STAB2: variants seen among roughly 807,000 people sequenced by gnomAD.
STAB2 encodes stabilin-2.
In STAB2, 288 loss-of-function variants were observed where a neutral mutation model predicts 338.1. The observed-to-expected ratio is 0.85, with a 90% CI of 0.77 to 0.94. STAB2 has a LOEUF of 0.94. Ranked by LOEUF, STAB2 falls within the 40% of genes least tolerant of loss-of-function variation. The probability of loss-of-function intolerance (pLI) is 0.00; values close to 1 mark genes in which losing one functional copy is unlikely to be tolerated. For missense variants in STAB2, 3,141 were observed against 3,210.1 expected (o/e 0.98, Z 0.52); for synonymous variants, 1,202 against 1,193.3 (o/e 1.01, Z -0.15).
chr12:103,750,858 A>G (rs1230289113), intron 60 of STAB2, 138 bp downstream of exon 60: 6 of 1,187,208 alleles, frequency 5.1e-6, no homozygotes, highest in Non-Finnish European at 6.8e-6. Context: ...TGGGAGGCCA[A>G]GGCAGATGGA....
At chr12:103,693,301 AG>A (rs1878116167) in intron 31 of STAB2, among the ~76,000 whole-genome samples, 6 of 152,022 alleles carry the variant, frequency 3.9e-5, no homozygotes, top group Non-Finnish European at 8.8e-5. Flanking sequence ...CAAAAAAAAA[AG>A]CATGCACCTA....
chr12:103,698,144 T>A (rs1039793961), intron 33 of STAB2, among the ~76,000 whole-genome samples: 1 of 152,192 alleles, frequency 6.6e-6, no homozygotes, highest in Non-Finnish European at 1.5e-5. Flanking sequence ...TCCAGCCCTC[T>A]GACTGTCTAG....
chr12:103,590,789 T>C, intron 1 of STAB2, 108 bp from the exon 2 acceptor site: 1 of 1,332,100 alleles, frequency 7.5e-7, no homozygotes, highest in Non-Finnish European at 1.1e-6. Context: ...TCCCTGACGT[T>C]CCATTGAGAT....
chr12:103,601,894 AATC>A (rs1956959508), intron 3 of STAB2, among the ~76,000 whole-genome samples: 1 of 152,248 alleles, frequency 6.6e-6, no homozygotes, highest in South Asian at 2.1e-4. Flanking sequence ...GAATTTAATC[AATC>A]ATTTTTTGGA....
chr12:103,692,587 CTCTCTG>C (rs1317165656), intron 30 of STAB2, among the ~76,000 whole-genome samples: 45 of 150,940 alleles, frequency 3.0e-4, no homozygotes, highest in Non-Finnish European at 5.8e-4. Flanking sequence ...CTCTCTCTCT[CTCTCTG>C]TCTCTGTGTG....
chr12:103,648,895 A>G, intron 10 of STAB2, 72 bp downstream of exon 10: 1 of 1,569,696 alleles, frequency 6.4e-7, no homozygotes, highest in Non-Finnish European at 8.6e-7. Flanking sequence ...AGATACAATG[A>G]TTCAGAAAGG....
intron 8 of STAB2, 73 bp from the exon 9 acceptor site, chr12:103,640,050 C>G (rs1189961585): frequency 6.6e-7 from 1 of 1,504,374 alleles, no homozygotes; most frequent in African/African-American, 1.4e-5. Flanking sequence ...AATAAAAATA[C>G]AAATTAAAGA....
intron 45 of STAB2, 48 bp from the exon 46 acceptor site, chr12:103,726,068 C>G: frequency 6.2e-7 from 1 of 1,606,244 alleles, no homozygotes. Context: ...CTGTATTGTT[C>G]TAATATATAT....
At position 103,590,962 on chromosome 12, in the gene STAB2, C is replaced by A. The variant is rs1258619291; in HGVS notation, c.147C>A (p.Asn49Lys). Residue 49 changes from asparagine to lysine, a missense_variant, in exon 2 of 69, where the codon AAC (asparagine) becomes AAA (lysine). Transcript: ENST00000388887. The part of the protein sequence containing the change: ...IRTECRSCAL[N>K]LGVKCPDGYT... ...CCGAGTGCCGATCCTGCGCTCTCAA[C>A]CTTGGAGTCAAGTGCCCGGATGGTT... 6.2e-7 allele frequency: 1 copy of A among 1,614,086 alleles called. No individual in the cohort carries two copies. The highest frequency in any genetic ancestry group is 8.5e-7 in the Non-Finnish European group (1 of 1,179,996).
At chr12:103,683,899 AG>A (rs1877158472) in intron 26 of STAB2, among the ~76,000 whole-genome samples, 1 of 152,158 alleles carries the variant, frequency 6.6e-6, no homozygotes, top group Non-Finnish European at 1.5e-5. Flanking sequence ...CCTTAATCAC[AG>A]TGTTTGGAGT....
Position 103,733,128 on chromosome 12 carries a change from C to G in STAB2, c.5406C>G (p.Asp1802Glu). The change falls in exon 51 of 69, where the codon GAC (aspartate) becomes GAG (glutamate). Residue 1802 changes from aspartate (D) to glutamate (E), a missense_variant. Coordinates refer to ENST00000388887, the MANE Select transcript of STAB2 (RefSeq NM_017564.10). ...AACAGGACTTCCTGTTCAACCAAGA[C>G]AACAAGGACAAGCTGAAGGAGTATT... ...AEQQDFLFNQDNKDKLKEYLK... is the reference protein window; with the variant it reads ...AEQQDFLFNQENKDKLKEYLK... 3.1e-6 allele frequency: 5 copies of G among 1,614,140 alleles called. No homozygotes were observed. The highest frequency in any genetic ancestry group is 3.4e-6 in the Non-Finnish European group (4 of 1,180,008).
intron 3 of STAB2, among the ~76,000 whole-genome samples, chr12:103,606,553 C>G (rs1565956201): frequency 6.6e-6 from 1 of 152,002 alleles, no homozygotes; most frequent in Non-Finnish European, 1.5e-5. Context: ...ATTCTTCTAC[C>G]TTTCGTATGT....
In STAB2 at chr12:103,622,045, G is replaced by A; in HGVS notation, c.421G>A (p.Gly141Arg). 6.2e-7 allele frequency: 1 copy of A among 1,614,200 alleles called. No homozygotes were observed. Among genetic ancestry groups the A allele is most frequent in the Non-Finnish European group, 8.5e-7 (1 of 1,180,038 alleles). ...EGNGTCSCQE[G>R]FGGTACETCA... ...AACCACCTGGGGTGTTTTGCAGGAA[G>A]GGTTTGGTGGAACAGCCTGTGAAAC... Residue 141 changes from glycine to arginine, a missense_variant, in exon 5 of 69, where the codon GGG becomes AGG. By Grantham distance (125) the Gly-to-Arg change is moderately radical (BLOSUM62 -2). Transcript: ENST00000388887.
At chr12:103,651,180 A>G (rs1873712327) in intron 11 of STAB2, among the ~76,000 whole-genome samples, 1 of 152,082 alleles carries the variant, frequency 6.6e-6, no homozygotes, top group African/African-American at 2.4e-5. Context: ...TAAATAATGG[A>G]CTTATCGATT....
chr12:103,672,830 T>C (rs1345857361), intron 22 of STAB2, among the ~76,000 whole-genome samples: 3 of 152,190 alleles, frequency 2.0e-5, no homozygotes, highest in African/African-American at 7.2e-5. Context: ...AACGGTGATA[T>C]GGAAATGCCA....
chr12:103,610,501 G>C lies in STAB2; in HGVS notation c.332-9967G>C, dbSNP rs1230316523. Among the ~76,000 whole-genome samples the C allele has an allele frequency of 2.6e-5, 4 of 152,142 alleles. No homozygotes were observed. In the East Asian group the frequency reaches 7.7e-4, roughly 29 times the overall value. ...GAGGTGTTTATAATATTATCTGATG[G>C]TAGTTTGTATTTCTGTGGGATCGGT... is the stretch of plus-strand genomic sequence containing the variant. On this transcript the variant is annotated intron_variant, in intron 3 of 68. Transcript: ENST00000388887.
chr12:103,739,460 A>G lies in STAB2; in HGVS notation c.5746A>G (p.Lys1916Glu), dbSNP rs1566063686. Residue 1916 changes from lysine to glutamate, a missense_variant, in exon 54 of 69, where the codon AAA (lysine) becomes GAA (glutamate). Lys to Glu is a moderately conservative substitution (Grantham distance 56). Transcript: ENST00000388887. ...TACTCCCAGCTGCCCAAGGTGGAGTAAACCAAAGGTAATTAAGACTGCAGT... is the reference window on the plus strand; with the variant it reads ...TACTCCCAGCTGCCCAAGGTGGAGTGAACCAAAGGTAATTAAGACTGCAGT... Reference protein sequence around the residue: ...VNTPSCPRWSKPKGVKQKCLY... With the variant: ...VNTPSCPRWSEPKGVKQKCLY... 6.3e-7 allele frequency: 1 copy of G among 1,592,940 alleles called. No individual in the cohort carries two copies. Among genetic ancestry groups the G allele is most frequent in the Non-Finnish European group, 8.5e-7 (1 of 1,169,620 alleles).
chr12:103,643,651 G>A (rs1873081869), intron 9 of STAB2, among the ~76,000 whole-genome samples: 1 of 152,120 alleles, frequency 6.6e-6, no homozygotes, highest in Non-Finnish European at 1.5e-5. Flanking sequence ...GTGATCTTGA[G>A]TGAGATACTT....
chr12:103,632,743 A>C (rs1200881575), intron 6 of STAB2, among the ~76,000 whole-genome samples: 2 of 152,084 alleles, frequency 1.3e-5, no homozygotes. Context: ...CTGGAGGCAG[A>C]AAGAGGAGTT....
Sources: allele counts gnomAD v4.1 joint callset (sites outside exome capture counted in the v4.1 genomes callset), GRCh38; gene constraint gnomAD v4.1.1; transcripts MANE v1.5; gene names NCBI Gene and HGNC (gene_info 2026-07-23, HGNC 2026-07-21).